CSF2RB: variants seen among roughly 807,000 people sequenced by gnomAD.
CSF2RB encodes colony stimulating factor 2 receptor subunit beta.
In CSF2RB, 22 loss-of-function variants were observed where a neutral mutation model predicts 67.2. The ratio of observed to expected loss-of-function variants is 0.33; its 90% confidence interval spans 0.23 to 0.47. The LOEUF (loss-of-function observed/expected upper bound fraction) is 0.47. CSF2RB is among the 20% of genes least tolerant of loss of function. CSF2RB has a pLI of 1.00. For synonymous variants in CSF2RB, 507 were observed against 482.9 expected, an observed-to-expected ratio of 1.05 and a Z score of -0.65; for missense variants, 1,113 against 1,174.5, an observed-to-expected ratio of 0.95 and a Z score of 0.76.
In CSF2RB at chr22:36,922,173, T is replaced by C. The variant is rs2145780757; in HGVS notation, c.-35T>C. On this transcript the variant is annotated 5_prime_UTR_variant, in exon 2 of 14. Coordinates refer to ENST00000403662, the MANE Select transcript of CSF2RB (RefSeq NM_000395.3). ...CATGCCCATGGCCAGCACCCACCAG[T>C]GCTGGTGCCTGCCTGTCCAGAGCTG... The C allele has an allele frequency of 1.3e-6, 2 of 1,545,772 alleles. No individual in the cohort carries two copies. The highest frequency in any genetic ancestry group is 1.4e-5 in the African/African-American group (1 of 73,540).
At position 36,935,616 on chromosome 22, in the gene CSF2RB, G is replaced by A. The variant is rs200634835; in HGVS notation, c.1407-14G>A. On this transcript the variant is annotated splice_polypyrimidine_tract_variant and intron_variant, in intron 11 of 13. Coordinates refer to ENST00000403662, the MANE Select transcript of CSF2RB (RefSeq NM_000395.3). ...GAGGTCTCTGATGGCTGTCACCTCC[G>A]TGGTGTCTTCCAGGCTGCGCAGAAA... is the stretch of plus-strand genomic sequence containing the variant. The A allele has an allele frequency of 8.7e-5, 140 of 1,614,180 alleles. No individual in the cohort carries two copies. In the East Asian group the frequency reaches 2.4e-3, roughly 28 times the overall value.
intron 10 of CSF2RB, among the ~76,000 whole-genome samples, 196 bp downstream of exon 10, chr22:36,934,190 A>G (rs1246613950): frequency 6.6e-6 from 1 of 152,154 alleles, no homozygotes; most frequent in Non-Finnish European, 1.5e-5. Flanking sequence ...CAGACCCGCA[A>G]GTTGAAAGAG....
At chr22:36,922,787 A>G in intron 2 of CSF2RB, 1 of 286,360 alleles carries the variant, frequency 3.5e-6, no homozygotes, top group South Asian at 3.7e-5. Flanking sequence ...TAATGCTGGG[A>G]CCACAGTCCC....
intron 1 of CSF2RB, among the ~76,000 whole-genome samples, chr22:36,920,513 A>G (rs1275960309): frequency 1.3e-5 from 2 of 152,250 alleles, no homozygotes; most frequent in Non-Finnish European, 2.9e-5. Context: ...CCCAGCCTCC[A>G]GAACTATGAG....
At chr22:36,916,271 A>G (rs1164840084) in intron 1 of CSF2RB, among the ~76,000 whole-genome samples, 1 of 152,104 alleles carries the variant, frequency 6.6e-6, no homozygotes, top group Non-Finnish European at 1.5e-5. Flanking sequence ...TAATTTTACT[A>G]TTTTGGTTTT....
chr22:36,914,486 G>C (rs1048688390), intron 1 of CSF2RB, among the ~76,000 whole-genome samples: 8 of 151,678 alleles, frequency 5.3e-5, no homozygotes, highest in Admixed American at 1.3e-4. Flanking sequence ...TGCTGATTTG[G>C]GTTGGGGCCC....
chr22:36,925,007 C>T (rs1343018939), intron 3 of CSF2RB, among the ~76,000 whole-genome samples: 2 of 152,208 alleles, frequency 1.3e-5, no homozygotes, highest in Admixed American at 1.3e-4. Context: ...GCGTACTGGC[C>T]TCTCCACCTG....
At chr22:36,917,837 C>T (rs774132575) in intron 1 of CSF2RB, among the ~76,000 whole-genome samples, 20 of 152,006 alleles carry the variant, frequency 1.3e-4, no homozygotes, top group Non-Finnish European at 2.8e-4. Context: ...TCACAAGAGT[C>T]GCTTGAACCC....
At chr22:36,924,535 T>C (rs1940964535) in intron 3 of CSF2RB, among the ~76,000 whole-genome samples, 1 of 152,122 alleles carries the variant, frequency 6.6e-6, no homozygotes, top group Admixed American at 6.5e-5. Flanking sequence ...CTTTCTCTGC[T>C]TCCTTTGACA....
Position 36,923,183 on chromosome 22 carries a change from G to C in CSF2RB, c.77-61G>C. 4 of 1,613,458 alleles carry C rather than the reference G, an allele frequency of 2.5e-6. No individual in the cohort carries two copies. The South Asian group carries it at 4.4e-5, about 18-fold the overall frequency. On this transcript the variant is annotated intron_variant, in intron 2 of 13. Transcript: ENST00000403662. ...GCGGGACATCCCAAAGCAGCTGGGGGTGATGGTGACAAGGGTCCCTGCAGG... is the reference window on the plus strand; with the variant it reads ...GCGGGACATCCCAAAGCAGCTGGGGCTGATGGTGACAAGGGTCCCTGCAGG...
chr22:36,925,091 T>C (rs1940981940), intron 3 of CSF2RB, among the ~76,000 whole-genome samples: 1 of 152,264 alleles, frequency 6.6e-6, no homozygotes, highest in African/African-American at 2.4e-5. Flanking sequence ...GCTGCGCTGC[T>C]GCCTCTGTCT....
chr22:36,936,701 G>T, intron 13 of CSF2RB, 49 bp downstream of exon 13: 1 of 1,500,212 alleles, frequency 6.7e-7, no homozygotes, highest in Non-Finnish European at 9.2e-7. Context: ...CATACGGGGG[G>T]CTGACTCCAT....
chr22:36,935,757 T>G, intron 12 of CSF2RB, 70 bp downstream of exon 12: 1 of 1,515,042 alleles, frequency 6.6e-7, no homozygotes, highest in Non-Finnish European at 9.0e-7. Context: ...TGTCCCCACC[T>G]CCTCCTTCCC....
In CSF2RB at chr22:36,940,066, C is replaced by A. The variant is rs962973634; in HGVS notation, c.*1564C>A. ...TGTTACTTTTGTGATATAGGAAATC[C>A]TTGTATATATACTTTATTGGTCCCT... On this transcript the variant is annotated 3_prime_UTR_variant, in exon 14 of 14. Coordinates refer to ENST00000403662, the MANE Select transcript of CSF2RB (RefSeq NM_000395.3). 1 of 152,078 alleles carries A rather than the reference C, an allele frequency of 6.6e-6. No individual in the cohort carries two copies. Among genetic ancestry groups the A allele is most frequent in the African/African-American group, 2.4e-5 (1 of 41,410 alleles). The allele number at this position is 152,078 out of a possible 1,614,324, so 9.4% of individuals were successfully genotyped here. A position where few individuals can be genotyped will look rare whatever the true frequency, so the allele number is the denominator to read the frequency against.
At chr22:36,915,582 C>T (rs1212717715) in intron 1 of CSF2RB, among the ~76,000 whole-genome samples, 5 of 152,128 alleles carry the variant, frequency 3.3e-5, no homozygotes, top group African/African-American at 7.2e-5. Context: ...TCTAATCTCA[C>T]GTTGATCGAC....
At chr22:36,922,338 TG>T in intron 2 of CSF2RB, 55 bp downstream of exon 2, 1 of 1,495,782 alleles carries the variant, frequency 6.7e-7, no homozygotes, top group Non-Finnish European at 9.1e-7. Context: ...TGCTGCACCC[TG>T]GGGGAGGGCC....
intron 2 of CSF2RB, 59 bp from the exon 3 acceptor site, chr22:36,923,185 G>T: frequency 6.2e-7 from 1 of 1,613,542 alleles, no homozygotes; most frequent in Non-Finnish European, 8.5e-7. Flanking sequence ...AGCTGGGGGT[G>T]ATGGTGACAA....
Position 36,926,054 on chromosome 22 carries a change from C to T in CSF2RB, c.268C>T (p.Arg90Cys), listed in dbSNP as rs1259507244. 7 of 1,614,240 alleles carry T rather than the reference C, an allele frequency of 4.3e-6. No homozygotes were observed. Among genetic ancestry groups the T allele is most frequent in the East Asian group, 2.2e-5 (1 of 44,884 alleles). ...DMPWSACPHP[R>C]CVPRRCVIPC... is the part of the protein sequence containing the mutation. ...GCCCTGGTCAGCCTGCCCCCATCCC[C>T]GCTGCGTGCCCAGGAGATGTGTCAT... Residue 90 changes from arginine (R) to cysteine (C), a missense_variant, in exon 4 of 14, where the codon CGC (arginine) becomes TGC (cysteine). Coordinates refer to ENST00000403662, the MANE Select transcript of CSF2RB (RefSeq NM_000395.3).
intron 8 of CSF2RB, among the ~76,000 whole-genome samples, chr22:36,931,033 C>T (rs1021371241): frequency 1.3e-5 from 2 of 152,212 alleles, no homozygotes; most frequent in Non-Finnish European, 2.9e-5. Flanking sequence ...TCTTTAAAAC[C>T]TCTGATCTCT....
Sources: allele counts gnomAD v4.1 joint callset (sites outside exome capture counted in the v4.1 genomes callset), GRCh38; gene constraint gnomAD v4.1.1; transcripts MANE v1.5; gene names NCBI Gene and HGNC (gene_info 2026-07-23, HGNC 2026-07-21).